Variants in PYROXD1 observed in about 807,000 individuals in gnomAD.
The protein encoded by PYROXD1 is pyridine nucleotide-disulphide oxidoreductase domain 1.
PYROXD1 carries 42 observed loss-of-function variants against 62.0 expected under a neutral mutation model. That is an observed-to-expected ratio of 0.68 (90% CI 0.53 to 0.88). The LOEUF (loss-of-function observed/expected upper bound fraction) is 0.88, where lower values mean the gene tolerates loss of function less well. PYROXD1 is among the 40% of genes least tolerant of loss of function. The pLI, the probability that PYROXD1 is intolerant of heterozygous loss-of-function variation, is 0.00. For synonymous variants in PYROXD1, 170 were observed against 206.4 expected, an observed-to-expected ratio of 0.82 and a Z score of 1.51; for missense variants, 493 against 604.8, an observed-to-expected ratio of 0.82 and a Z score of 1.94.
intron 2 of PYROXD1, among the ~76,000 whole-genome samples, chr12:21,443,170 A>G (rs74931888): frequency 0.056 from 8,501 of 152,262 alleles, 317 homozygotes; most frequent in African/African-American, 0.1. Context: ...AATTATTCAG[A>G]TAGAATACCA....
chr12:21,461,198 A>G, intron 8 of PYROXD1, 44 bp downstream of exon 8: 1 of 1,162,936 alleles, frequency 8.6e-7, no homozygotes, highest in Non-Finnish European at 1.1e-6. Context: ...CACTTAATTA[A>G]AAGGAAAACA....
chr12:21,460,677 G>A (rs1287400156), intron 7 of PYROXD1, among the ~76,000 whole-genome samples: 1 of 152,020 alleles, frequency 6.6e-6, no homozygotes, highest in Non-Finnish European at 1.5e-5. Flanking sequence ...CCTGCGCCTC[G>A]GCCTCCCAGA....
Position 21,461,092 on chromosome 12 carries a change from G to A in PYROXD1, c.818G>A (p.Arg273Lys). The A allele has an allele frequency of 6.3e-7, 1 of 1,588,038 alleles. No homozygotes were observed. Among genetic ancestry groups the A allele is most frequent in the Non-Finnish European group, 8.6e-7 (1 of 1,166,420 alleles). The change falls in exon 8 of 12, where the codon AGA becomes AAA. Residue 273 changes from arginine to lysine, a missense_variant. Transcript: ENST00000240651. ...VKKIYLQDEF[R>K]ILKKKSFTFP... Reference sequence around the variant, plus strand: ...AAAATCTACCTTCAGGATGAGTTTAGAATTTTGAAGAAAAAGTCCTTCACT... The same window carrying A: ...AAAATCTACCTTCAGGATGAGTTTAAAATTTTGAAGAAAAAGTCCTTCACT...
intron 3 of PYROXD1, chr12:21,447,695 A>C (rs543262364): frequency 5.7e-6 from 1 of 175,236 alleles, no homozygotes; most frequent in Non-Finnish European, 1.4e-5. Context: ...TATGTAAAAT[A>C]CATGCATACT....
At chr12:21,467,324 T>G (rs1469588318) in intron 10 of PYROXD1, 157 bp from the exon 11 acceptor site, 38 of 560,238 alleles carry the variant, frequency 6.8e-5, no homozygotes, top group Non-Finnish European at 1.1e-4. Flanking sequence ...ATACCAAAAA[T>G]CAGTCTGATT....
intron 7 of PYROXD1, 69 bp from the exon 8 acceptor site, chr12:21,460,956 C>A: frequency 2.0e-6 from 2 of 997,294 alleles, no homozygotes; most frequent in South Asian, 2.8e-5. Context: ...TACGTTTTTT[C>A]TTCATCATTA....
intron 3 of PYROXD1, among the ~76,000 whole-genome samples, chr12:21,446,828 TC>T (rs1456800604): frequency 6.6e-6 from 1 of 151,914 alleles, no homozygotes; most frequent in African/African-American, 2.4e-5. Flanking sequence ...GGTGGGAAGA[TC>T]ACCTGAGCCT....
intron 10 of PYROXD1, 80 bp from the exon 11 acceptor site, chr12:21,467,401 T>C: frequency 7.4e-7 from 1 of 1,353,138 alleles, no homozygotes; most frequent in Non-Finnish European, 1.0e-6. Flanking sequence ...TGAACTCCTT[T>C]AAGTGAATTT....
Position 21,462,828 on chromosome 12 carries a change from C to G in PYROXD1, c.1082C>G (p.Thr361Ser). The G allele has an allele frequency of 6.2e-7, 1 of 1,613,936 alleles. No homozygotes were observed. Among genetic ancestry groups the G allele is most frequent in the Non-Finnish European group, 8.5e-7 (1 of 1,179,948 alleles). ...PDIYAAGDIC[T>S]TSWQLSPVWQ... is the part of the protein sequence containing the mutation. The stretch of plus-strand genomic sequence containing the variant: ...ATCTATGCTGCCGGTGACATCTGTA[C>G]TACATCCTGGCAGCTGAGCCCAGTC... Residue 361 changes from threonine (T) to serine (S), a missense_variant, in exon 10 of 12, where the codon ACT becomes AGT. Physicochemically the swap from Thr to Ser is moderately conservative, Grantham distance 58. Transcript: ENST00000240651.
intron 4 of PYROXD1, among the ~76,000 whole-genome samples, chr12:21,450,089 T>G (rs545582545): frequency 1.3e-5 from 2 of 151,406 alleles, no homozygotes; most frequent in East Asian, 2.0e-4. Context: ...CAGGATGGTC[T>G]CGATCTCCTG....
In PYROXD1 at chr12:21,468,598, C is replaced by T. The variant is rs766292392; in HGVS notation, c.1347C>T (p.Val449=). 6.2e-6 allele frequency: 10 copies of T among 1,612,874 alleles called. No homozygotes were observed. Among genetic ancestry groups the T allele is most frequent in the South Asian group, 2.2e-5 (2 of 91,050 alleles). Residue 449 remains valine, a synonymous_variant, in exon 12 of 12, where the codon GTC becomes GTT. Coordinates refer to ENST00000240651, the MANE Select transcript of PYROXD1 (RefSeq NM_024854.5). ...CCAAAGGACGAGAATACATCAAAGT[C>T]GTCATGCAAAATGGACGAATGATGG... ...RCTKGREYIK[V]VMQNGRMMGA...
In PYROXD1 at chr12:21,456,105, C is replaced by A; in HGVS notation, c.750+10C>A. The A allele has an allele frequency of 6.8e-7, 1 of 1,478,162 alleles. No homozygotes were observed. The highest frequency in any genetic ancestry group is 9.4e-7 in the Non-Finnish European group (1 of 1,063,988). 91.6% of individuals were successfully genotyped at this position (1,478,162 alleles called of 1,614,324 possible). A position where few individuals can be genotyped will look rare whatever the true frequency, so the allele number is the denominator to read the frequency against. ...TAAAGGAACAAAAGAGGTATCTTTT[C>A]ATATACTAATTGGTCATGTCTAAAT... On this transcript the variant is annotated intron_variant, in intron 7 of 11. Transcript: ENST00000240651.
rs1138675 is a variant in PYROXD1, at chr12:21,469,761, A to T, written c.*1007A>T. On this transcript the variant is annotated 3_prime_UTR_variant, in exon 12 of 12. Transcript: ENST00000240651. Reference sequence around the variant, plus strand: ...GCGGCCCAAGACAATTCTTCTTCCAATGTGGCTCAGGGAAGCCAAAAGATT... The same window carrying T: ...GCGGCCCAAGACAATTCTTCTTCCATTGTGGCTCAGGGAAGCCAAAAGATT... 11 of 153,592 alleles carry T rather than the reference A, an allele frequency of 7.2e-5. No homozygotes were observed. The highest frequency in any genetic ancestry group is 1.1e-4 in the Non-Finnish European group (8 of 69,572). The allele number at this position is 153,592 out of a possible 1,614,324, so 9.5% of individuals were successfully genotyped here.
intron 7 of PYROXD1, among the ~76,000 whole-genome samples, chr12:21,457,528 C>T (rs1380068233): frequency 6.6e-6 from 1 of 151,366 alleles, no homozygotes; most frequent in Non-Finnish European, 1.5e-5. Flanking sequence ...ACTCCATTCT[C>T]ACAGTATATA....
At chr12:21,458,692 A>G (rs572284020) in intron 7 of PYROXD1, among the ~76,000 whole-genome samples, 1 of 152,290 alleles carries the variant, frequency 6.6e-6, no homozygotes, top group African/African-American at 2.4e-5. Context: ...AGGAGGCCCA[A>G]GGAGAGGGAG....
intron 8 of PYROXD1, among the ~76,000 whole-genome samples, chr12:21,461,387 G>T (rs1942696134): frequency 6.6e-6 from 1 of 152,052 alleles, no homozygotes; most frequent in African/African-American, 2.4e-5. Flanking sequence ...TGAGTGTTTT[G>T]ACCAACAATC....
rs1942854878 is a variant in PYROXD1, at chr12:21,468,855, T to C, written c.*101T>C. 9.7e-7 allele frequency: 1 copy of C among 1,035,168 alleles called. No individual in the cohort carries two copies. Among genetic ancestry groups the C allele is most frequent in the East Asian group, 2.6e-5 (1 of 38,472 alleles). 64.1% of individuals were successfully genotyped at this position (1,035,168 alleles called of 1,614,324 possible). On this transcript the variant is annotated 3_prime_UTR_variant, in exon 12 of 12. Coordinates refer to ENST00000240651, the MANE Select transcript of PYROXD1 (RefSeq NM_024854.5). Reference sequence around the variant, plus strand: ...TGTATTGAGTTAATGATGACCACACTGAAAATTACAGAAGTGATAATGATA... The same window carrying C: ...TGTATTGAGTTAATGATGACCACACCGAAAATTACAGAAGTGATAATGATA...
Position 21,456,100 on chromosome 12 carries a change from C to A in PYROXD1, c.750+5C>A, listed in dbSNP as rs745549091. 2 of 1,528,468 alleles carry A rather than the reference C, an allele frequency of 1.3e-6. No homozygotes were observed. The highest frequency in any genetic ancestry group is 1.8e-5 in the Admixed American group (1 of 56,986). The allele number at this position is 1,528,468 out of a possible 1,614,324, so 94.7% of individuals were successfully genotyped here. A position where few individuals can be genotyped will look rare whatever the true frequency, so the allele number is the denominator to read the frequency against. ...AATCTTAAAGGAACAAAAGAGGTATCTTTTCATATACTAATTGGTCATGTC... is the reference window on the plus strand; with the variant it reads ...AATCTTAAAGGAACAAAAGAGGTATATTTTCATATACTAATTGGTCATGTC... On this transcript the variant is annotated splice_donor_5th_base_variant and intron_variant, in intron 7 of 11. Transcript: ENST00000240651.
intron 4 of PYROXD1, among the ~76,000 whole-genome samples, chr12:21,450,297 A>G (rs1270083210): frequency 6.6e-6 from 1 of 152,226 alleles, no homozygotes; most frequent in Non-Finnish European, 1.5e-5. Flanking sequence ...ACACACATTC[A>G]TTACTCTACT....
Sources: allele counts gnomAD v4.1 joint callset (sites outside exome capture counted in the v4.1 genomes callset), GRCh38; gene constraint gnomAD v4.1.1; transcripts MANE v1.5; gene names NCBI Gene and HGNC (gene_info 2026-07-23, HGNC 2026-07-21).